Variants in SLC22A16 observed in about 807,000 individuals in gnomAD.
The protein encoded by SLC22A16 is solute carrier family 22 member 16.
Under a neutral mutation model 52.9 loss-of-function variants are expected in SLC22A16, and 53 were observed. The ratio of observed to expected loss-of-function variants is 1.00; its 90% CI spans 0.80 to 1.26. SLC22A16 has a LOEUF of 1.26. Ranked by LOEUF, SLC22A16 falls within the 50% of genes most tolerant of loss-of-function variation. The pLI, the probability that SLC22A16 is intolerant of heterozygous loss-of-function variation, is 0.00. For synonymous variants in SLC22A16, 291 were observed against 268.8 expected (o/e 1.08, Z -0.81); for missense variants, 726 against 704.0 (o/e 1.03, Z -0.35).
intron 2 of SLC22A16, among the ~76,000 whole-genome samples, chr6:110,454,678 A>T (rs1382923106): frequency 1.4e-5 from 1 of 71,668 alleles, no homozygotes; most frequent in Non-Finnish European, 2.3e-5. Flanking sequence ...TATATATATT[A>T]TATATTTTAT....
intron 5 of SLC22A16, 110 bp from the exon 6 acceptor site, chr6:110,436,071 G>T: frequency 1.5e-6 from 1 of 688,018 alleles, no homozygotes; most frequent in South Asian, 1.9e-5. Context: ...TATTTTTTCA[G>T]AACAATGAAG....
intron 1 of SLC22A16, among the ~76,000 whole-genome samples, chr6:110,466,970 T>TAGATAGATA (rs1388123976): frequency 6.7e-6 from 1 of 149,084 alleles, no homozygotes; most frequent in East Asian, 1.9e-4. Flanking sequence ...GATAGATAGA[T>TAGATAGATA]AATCTGCATT....
chr6:110,430,982 A>G (rs937697586), intron 7 of SLC22A16, among the ~76,000 whole-genome samples, 189 bp downstream of exon 7: 1 of 152,202 alleles, frequency 6.6e-6, no homozygotes, highest in Admixed American at 6.5e-5. Flanking sequence ...AAGGCCACCA[A>G]TGGCCAATCG....
At position 110,442,793 on chromosome 6, in the gene SLC22A16, G is replaced by A. The variant is rs1370786547; in HGVS notation, c.652-18C>T. The A allele has an allele frequency of 1.2e-6, 2 of 1,603,834 alleles. No homozygotes were observed. Among genetic ancestry groups the A allele is most frequent in the Non-Finnish European group, 1.7e-6 (2 of 1,175,252 alleles). ...CTTGCAACCTGAAAAACAAATAATA[G>A]GGATTTATATTCAAGGTCACATTTA... On this transcript the variant is annotated intron_variant, in intron 3 of 7. Coordinates refer to ENST00000368919, the MANE Select transcript of SLC22A16 (RefSeq NM_033125.4).
chr6:110,438,317 T>G (rs1334544465), intron 5 of SLC22A16, among the ~76,000 whole-genome samples: 1 of 150,340 alleles, frequency 6.7e-6, no homozygotes, highest in Non-Finnish European at 1.5e-5. Flanking sequence ...GATTATGAAC[T>G]TTTTATTTTT....
intron 1 of SLC22A16, among the ~76,000 whole-genome samples, chr6:110,468,496 A>G (rs1181404225): frequency 6.6e-6 from 1 of 151,988 alleles, no homozygotes; most frequent in Non-Finnish European, 1.5e-5. Flanking sequence ...AATGCCAAAA[A>G]CTAGCCAGGC....
chr6:110,465,908 A>T (rs1295022448), intron 1 of SLC22A16, among the ~76,000 whole-genome samples: 1 of 152,206 alleles, frequency 6.6e-6, no homozygotes, highest in Non-Finnish European at 1.5e-5. Flanking sequence ...TATAGTAACC[A>T]AACCAGCATG....
intron 1 of SLC22A16, among the ~76,000 whole-genome samples, chr6:110,466,911 TGATAGATAGATA>T (rs3045569): frequency 0.02 from 2,770 of 140,642 alleles, 63 homozygotes; most frequent in Admixed American, 0.052. Context: ...AAAGAAAATG[TGATAGATAGATA>T]GATAGATAGA....
At chr6:110,470,035 AG>A (rs1411942786) in intron 1 of SLC22A16, among the ~76,000 whole-genome samples, 1 of 152,162 alleles carries the variant, frequency 6.6e-6, no homozygotes, top group Non-Finnish European at 1.5e-5. Flanking sequence ...GAGATCCTAG[AG>A]GGAAAGGGTA....
At chr6:110,453,666 G>A (rs549195257) in intron 2 of SLC22A16, 21 of 456,192 alleles carry the variant, frequency 4.6e-5, no homozygotes, top group South Asian at 2.2e-4. Flanking sequence ...GAATCCACTG[G>A]TTTTGTACCA....
chr6:110,446,289 G>A (rs935759397), intron 3 of SLC22A16, among the ~76,000 whole-genome samples: 6 of 152,020 alleles, frequency 3.9e-5, no homozygotes, highest in African/African-American at 1.2e-4. Context: ...GCTGTACTGC[G>A]GTTGTTTATA....
At chr6:110,460,795 C>G (rs1673443753) in intron 1 of SLC22A16, among the ~76,000 whole-genome samples, 1 of 151,970 alleles carries the variant, frequency 6.6e-6, no homozygotes, top group Admixed American at 6.5e-5. Flanking sequence ...CTTTGGCAAC[C>G]ATGGGGGACC....
At chr6:110,426,088 T>C (rs769219554) in intron 7 of SLC22A16, among the ~76,000 whole-genome samples, 3 of 152,218 alleles carry the variant, frequency 2.0e-5, no homozygotes, top group Non-Finnish European at 4.4e-5. Context: ...AGTTTTTCAT[T>C]TTGTTTTGCA....
At chr6:110,455,802 T>G (rs12189554) in intron 2 of SLC22A16, 56,145 of 151,896 alleles carry the variant, frequency 0.37, 12,439 homozygotes, top group African/African-American at 0.63. Flanking sequence ...CTTAGAAAAG[T>G]GCTCAAGGTT....
At chr6:110,430,747 A>G (rs1384493169) in intron 7 of SLC22A16, among the ~76,000 whole-genome samples, 1 of 152,248 alleles carries the variant, frequency 6.6e-6, no homozygotes, top group Non-Finnish European at 1.5e-5. Flanking sequence ...GCTCTCCATT[A>G]GGCATCACAT....
chr6:110,448,177 T>C (rs1775248069), intron 2 of SLC22A16, among the ~76,000 whole-genome samples: 1 of 152,238 alleles, frequency 6.6e-6, no homozygotes, highest in Non-Finnish European at 1.5e-5. Flanking sequence ...CTGCCTTTTT[T>C]ATTATAGCCA....
Position 110,456,678 on chromosome 6 carries a change from A to T in SLC22A16, c.393T>A (p.Tyr131Ter). ...CAGTGCTTTTCCATGTGTTCTGGTC[A>T]TATATGTAGCCATCCACACAAGGAA... ...KEFPCVDGYI[Y>*]DQNTWKSTAV... Residue 131 changes from tyrosine to a stop codon, truncating the protein, a stop_gained, in exon 2 of 8, where the codon TAT becomes TAA. Transcript: ENST00000368919. LOFTEE classifies it high-confidence loss of function. The T allele has an allele frequency of 6.2e-7, 1 of 1,614,186 alleles. No individual in the cohort carries two copies. The highest frequency in any genetic ancestry group is 1.1e-5 in the South Asian group (1 of 91,080).
chr6:110,446,488 G>A (rs958500180), intron 3 of SLC22A16, among the ~76,000 whole-genome samples: 9 of 152,090 alleles, frequency 5.9e-5, no homozygotes, highest in African/African-American at 9.7e-5. Context: ...AGGACCTAAT[G>A]CCCTCCTGTT....
intron 3 of SLC22A16, among the ~76,000 whole-genome samples, chr6:110,446,660 C>T (rs1582550647): frequency 7.5e-6 from 1 of 133,054 alleles, no homozygotes; most frequent in Non-Finnish European, 1.8e-5. Flanking sequence ...CAGAGGCAAA[C>T]ACACTTCTGC....
Sources: gnomAD v4.1 joint callset for allele counts (sites outside exome capture counted in the v4.1 genomes callset) on GRCh38, gnomAD v4.1.1 for gene constraint, MANE v1.5 for transcripts, NCBI Gene and HGNC (gene_info 2026-07-23, HGNC 2026-07-21) for gene names.